Variants in DMD observed in about 807,000 individuals in gnomAD.
DMD encodes the protein mutant dystrophin.
In DMD, 63 loss-of-function variants were observed where a neutral mutation model predicts 330.1. The ratio of observed to expected loss-of-function variants is 0.19; its 90% CI spans 0.16 to 0.24. The LOEUF (loss-of-function observed/expected upper bound fraction) is 0.24, where lower values mean the gene tolerates loss of function less well. Among genes scored for constraint, DMD ranks in the 10% least tolerant of loss-of-function variants. DMD has a pLI of 1.00. For missense variants in DMD, 3,344 were observed against 2,684.1 expected (o/e 1.25, Z -5.43); for synonymous variants, 1,223 against 959.8 (o/e 1.27, Z -5.07).
intron 60 of DMD, among the ~76,000 whole-genome samples, chrX:31,389,604 A>G (rs934608416): frequency 8.9e-6 from 1 of 112,282 alleles, no homozygotes; most frequent in Non-Finnish European, 1.9e-5. Flanking sequence ...GTTTTAAAAA[A>G]TCATTTCTAC....
intron 17 of DMD, among the ~76,000 whole-genome samples, chrX:32,527,665 A>G (rs1362484981): frequency 3.6e-5 from 4 of 111,777 alleles, no homozygotes; most frequent in African/African-American, 1.3e-4. Context: ...AATGAAATTC[A>G]GTATAAATCC....
intron 44 of DMD, among the ~76,000 whole-genome samples, chrX:32,168,082 C>T (rs1196276072): frequency 8.9e-6 from 1 of 112,110 alleles, no homozygotes; most frequent in Admixed American, 9.5e-5. Context: ...GGGGCCTGCC[C>T]CATCTCTGAA....
chrX:32,645,262 G>A (rs1401263242), intron 9 of DMD, 110 bp from the exon 10 acceptor site: 2 of 838,624 alleles, frequency 2.4e-6, no homozygotes, highest in East Asian at 3.3e-5. Flanking sequence ...ACTGTCCACT[G>A]GCATTATCAA....
intron 74 of DMD, among the ~76,000 whole-genome samples, chrX:31,153,549 A>AGTGGTAG (rs778734408): frequency 6.4e-5 from 7 of 108,741 alleles, no homozygotes; most frequent in Non-Finnish European, 1.1e-4. Flanking sequence ...TTCATTTTTC[A>AGTGGTAG]CTCCATATAT....
At chrX:32,049,799 G>T (rs1272219049) in intron 44 of DMD, among the ~76,000 whole-genome samples, 1 of 111,728 alleles carries the variant, frequency 9.0e-6, no homozygotes, top group Non-Finnish European at 1.9e-5. Flanking sequence ...GTTGGATGAG[G>T]TTCTGCACTT....
rs140315274 is a variant in DMD, at chrX:32,159,093, C to T, written c.6438+57823G>A. On this transcript the variant is annotated intron_variant, in intron 44 of 78. Transcript: ENST00000357033. ...TCCTTACCCAATCCTAATTGTGCCC[C>T]CACAGTGAAAGACCAATCTTAAACC... Among the ~76,000 whole-genome samples, 49 of 112,181 alleles carry T rather than the reference C, an allele frequency of 4.4e-4. No individual in the cohort carries two copies. In the East Asian group the frequency reaches 0.013, roughly 29 times the overall value.
intron 47 of DMD, among the ~76,000 whole-genome samples, chrX:31,921,448 C>T (rs2094688723): frequency 9.0e-6 from 1 of 111,601 alleles, no homozygotes; most frequent in Non-Finnish European, 1.9e-5. Flanking sequence ...GTCTTGCTGC[C>T]TCTAACTCTC....
At chrX:32,354,686 A>G (rs995304515) in intron 37 of DMD, among the ~76,000 whole-genome samples, 1 of 111,712 alleles carries the variant, frequency 9.0e-6, no homozygotes, top group Non-Finnish European at 1.9e-5. Context: ...GAGAATAGAT[A>G]AAGTACTGGT....
chrX:31,738,918 C>G (rs1411995867), intron 51 of DMD, among the ~76,000 whole-genome samples: 1 of 111,437 alleles, frequency 9.0e-6, no homozygotes, highest in African/African-American at 3.3e-5. Context: ...AGGATGGTTA[C>G]CTGAGGATGG....
At chrX:31,922,629 A>G (rs2094710139) in intron 47 of DMD, among the ~76,000 whole-genome samples, 1 of 110,649 alleles carries the variant, frequency 9.0e-6, no homozygotes, top group Non-Finnish European at 1.9e-5. Flanking sequence ...TCAGGACTGA[A>G]TTAGAGACAC....
chrX:32,094,157 C>T (rs900073907), intron 44 of DMD, among the ~76,000 whole-genome samples: 2 of 111,887 alleles, frequency 1.8e-5, no homozygotes, highest in Admixed American at 9.5e-5. Flanking sequence ...AAACCTTCAA[C>T]GTTTGTTAAC....
intron 5 of DMD, among the ~76,000 whole-genome samples, chrX:32,820,683 A>AC (rs901811189): frequency 2.7e-5 from 3 of 111,425 alleles, no homozygotes; most frequent in African/African-American, 9.8e-5. Flanking sequence ...GTCAAAACTT[A>AC]CATCTGTCTT....
At position 32,540,209 on chromosome X, in the gene DMD, T is replaced by A. The variant is rs966782232; in HGVS notation, c.2168+4950A>T. ...AGGCTGAGTTCCTTACTCTGATAATTACCTACGTGTACAATAATATCACTG... is the reference window on the plus strand; with the variant it reads ...AGGCTGAGTTCCTTACTCTGATAATAACCTACGTGTACAATAATATCACTG... On this transcript the variant is annotated intron_variant, in intron 17 of 78. Transcript: ENST00000357033. Among the ~76,000 whole-genome samples, 3 of 111,375 alleles carry A rather than the reference T, an allele frequency of 2.7e-5. No homozygotes were observed. The East Asian group carries it at 8.4e-4, about 31-fold the overall frequency.
At chrX:32,726,553 T>C (rs2066904848) in intron 7 of DMD, among the ~76,000 whole-genome samples, 1 of 111,439 alleles carries the variant, frequency 9.0e-6, no homozygotes, top group Non-Finnish European at 1.9e-5. Context: ...CTCTTTGTAA[T>C]AAAATTCAGC....
chrX:32,444,025 T>C (rs1439029601), intron 27 of DMD, among the ~76,000 whole-genome samples: 2 of 109,712 alleles, frequency 1.8e-5, no homozygotes, highest in African/African-American at 6.6e-5. Flanking sequence ...AAGTAGAAAG[T>C]GGAAAATCAA....
chrX:33,164,949 C>T (rs1437272207), intron 1 of DMD, among the ~76,000 whole-genome samples: 2 of 103,141 alleles, frequency 1.9e-5, no homozygotes, highest in Non-Finnish European at 3.9e-5. Flanking sequence ...TTTTTGCATA[C>T]AGACTTAGAC....
chrX:31,665,969 A>G (rs1165830981), intron 53 of DMD, among the ~76,000 whole-genome samples: 1 of 111,702 alleles, frequency 9.0e-6, no homozygotes, highest in Non-Finnish European at 1.9e-5. Flanking sequence ...CATTCTCTTT[A>G]TCTGGGCTCT....
chrX:33,274,312 A>G (rs770731992), intron 1 of DMD, among the ~76,000 whole-genome samples: 25 of 111,944 alleles, frequency 2.2e-4, no homozygotes, highest in South Asian at 1.9e-3. Context: ...TTATAACTTG[A>G]TAGATTTAAA....
chrX:31,365,624 T>G (rs1052774228), intron 60 of DMD, among the ~76,000 whole-genome samples: 1 of 112,398 alleles, frequency 8.9e-6, no homozygotes, highest in African/African-American at 3.2e-5. Flanking sequence ...CTCTTCTTTT[T>G]AAAATTGTAT....
Sources: gnomAD v4.1 joint callset for allele counts (sites outside exome capture counted in the v4.1 genomes callset) on GRCh38, gnomAD v4.1.1 for gene constraint, MANE v1.5 for transcripts, NCBI Gene and HGNC (gene_info 2026-07-23, HGNC 2026-07-21) for gene names.